The following FYB1 variants were observed in gnomAD, a reference collection of about 807,000 sequenced individuals.
FYB1 encodes FYN binding protein 1, also known as FYN-binding protein 1.
A neutral mutation model predicts 94.1 loss-of-function variants in FYB1; 41 were observed. The ratio of observed to expected loss-of-function variants is 0.44; its 90% CI spans 0.34 to 0.57. The LOEUF (loss-of-function observed/expected upper bound fraction) is 0.57. FYB1 is among the 20% of genes least tolerant of loss of function. The pLI is 0.02. For missense variants in FYB1, 1,050 were observed against 976.8 expected, an observed-to-expected ratio of 1.07 and a Z score of -1.00; for synonymous variants, 367 against 353.2, an observed-to-expected ratio of 1.04 and a Z score of -0.44.
chr5:39,130,120 C>A (rs1196987799), intron 10 of FYB1, among the ~76,000 whole-genome samples: 1 of 151,476 alleles, frequency 6.6e-6, no homozygotes, highest in Non-Finnish European at 1.5e-5. Flanking sequence ...ATGGATGAAA[C>A]TGGAAGTCAT....
chr5:39,205,476 A>T (rs1399630208), intron 1 of FYB1, among the ~76,000 whole-genome samples: 4 of 152,212 alleles, frequency 2.6e-5, no homozygotes, highest in Admixed American at 1.3e-4. Flanking sequence ...ATCAAGTGAA[A>T]TGTTAGTCAT....
At chr5:39,154,009 C>T (rs1158480745) in intron 2 of FYB1, among the ~76,000 whole-genome samples, 1 of 152,142 alleles carries the variant, frequency 6.6e-6, no homozygotes, top group Non-Finnish European at 1.5e-5. Context: ...TGGTTTTGAA[C>T]TCCTGGGCGC....
intron 14 of FYB1, among the ~76,000 whole-genome samples, chr5:39,121,182 G>GGAAAAA (rs1580315900): frequency 6.9e-5 from 1 of 14,532 alleles, no homozygotes; most frequent in Non-Finnish European, 1.4e-4. Flanking sequence ...GTAATGTAAA[G>GGAAAAA]CAAAAAAAAA....
At chr5:39,268,208 T>C (rs1194860387) in intron 1 of FYB1, among the ~76,000 whole-genome samples, 1 of 152,006 alleles carries the variant, frequency 6.6e-6, no homozygotes, top group Non-Finnish European at 1.5e-5. Flanking sequence ...ACGCTTAATG[T>C]TTCATTTCTG....
upstream of FYB1, among the ~76,000 whole-genome samples, chr5:39,221,491 A>G (rs1003100857): frequency 2.6e-5 from 4 of 152,234 alleles, no homozygotes; most frequent in Non-Finnish European, 5.9e-5. Flanking sequence ...ACCATGACAC[A>G]CTGTGATGAG....
At chr5:39,181,216 A>T (rs555654964) in intron 2 of FYB1, among the ~76,000 whole-genome samples, 1 of 152,198 alleles carries the variant, frequency 6.6e-6, no homozygotes, top group Non-Finnish European at 1.5e-5. Flanking sequence ...GCAGCAGATC[A>T]TTATATCAGT....
chr5:39,119,693 C>T (rs1304951814), intron 14 of FYB1, 59 bp from the exon 15 acceptor site: 5 of 1,387,198 alleles, frequency 3.6e-6, no homozygotes, highest in Non-Finnish European at 4.7e-6. Context: ...AAAGAATAGT[C>T]CATAACAGAG....
chr5:39,209,595 C>T (rs1180634123), intron 1 of FYB1, among the ~76,000 whole-genome samples: 2 of 152,206 alleles, frequency 1.3e-5, no homozygotes, highest in Non-Finnish European at 2.9e-5. Flanking sequence ...TCCCAAAGTG[C>T]TGGGATTACA....
intron 2 of FYB1, among the ~76,000 whole-genome samples, chr5:39,187,151 A>G (rs976644404): frequency 4.6e-5 from 7 of 152,156 alleles, no homozygotes; most frequent in Non-Finnish European, 1.0e-4. Context: ...TATCAACTTC[A>G]AAGCAAGCTT....
At chr5:39,209,022 A>C (rs1749111213) in intron 1 of FYB1, 1 of 147,282 alleles carries the variant, frequency 6.8e-6, no homozygotes, top group African/African-American at 2.4e-5. Flanking sequence ...ATCCCTTCTC[A>C]TCACACACAA....
At position 39,134,344 on chromosome 5, in the gene FYB1, A is replaced by T. The variant is rs753898907; in HGVS notation, c.1681T>A (p.Tyr561Asn). The stretch of plus-strand genomic sequence containing the variant: ...ATCTCTACAGCAGTTGTTTTAATAT[A>T]GCCATCTACCAAAAAGGGAAATATT... ...LGRTARGSYG[Y>N]IKTTAVEIDY... The change falls in exon 9 of 19, where the codon TAT becomes AAT. Residue 561 changes from tyrosine (Y) to asparagine (N), a missense_variant. By Grantham distance (143) the Tyr-to-Asn change is moderately radical (BLOSUM62 -2). Transcript: ENST00000512982. 1 of 1,599,152 alleles carries T rather than the reference A, an allele frequency of 6.3e-7. No individual in the cohort carries two copies. Among genetic ancestry groups the T allele is most frequent in the Non-Finnish European group, 8.5e-7 (1 of 1,170,086 alleles).
chr5:39,162,382 C>G (rs1304820701), intron 2 of FYB1, among the ~76,000 whole-genome samples: 1 of 152,114 alleles, frequency 6.6e-6, no homozygotes, highest in African/African-American at 2.4e-5. Flanking sequence ...GTCAAAAGAA[C>G]TGAGCATTAA....
At chr5:39,149,393 C>T (rs1167433439) in intron 3 of FYB1, among the ~76,000 whole-genome samples, 3 of 152,134 alleles carry the variant, frequency 2.0e-5, no homozygotes, top group Admixed American at 1.3e-4. Context: ...GCCATTGCTC[C>T]CTGCTGCTCT....
intron 2 of FYB1, among the ~76,000 whole-genome samples, chr5:39,185,811 G>T (rs368285274): frequency 1.3e-5 from 2 of 152,002 alleles, no homozygotes; most frequent in Non-Finnish European, 2.9e-5. Context: ...ACTCCGTGAG[G>T]GTTCCGCACT....
intron 1 of FYB1, chr5:39,269,810 C>A (rs1752596669): frequency 6.6e-6 from 1 of 152,216 alleles, no homozygotes; most frequent in Admixed American, 6.5e-5. Context: ...AGTTTCCAGT[C>A]TTCTGGGGGC....
intron 1 of FYB1, among the ~76,000 whole-genome samples, chr5:39,211,322 C>CT (rs70982549): frequency 8.4e-6 from 1 of 118,518 alleles, no homozygotes; most frequent in African/African-American, 3.0e-5. Context: ...CTTTTCTTTT[C>CT]TTTTTTTTTT....
chr5:39,127,918 CT>C (rs367785747), intron 10 of FYB1, 111 bp from the exon 11 acceptor site: 1 of 983,992 alleles, frequency 1.0e-6, no homozygotes. Context: ...GAGCATTTCA[CT>C]TTCATGTAAA....
upstream of FYB1, among the ~76,000 whole-genome samples, chr5:39,221,456 T>C (rs764706424): frequency 1.1e-4 from 17 of 152,210 alleles, no homozygotes; most frequent in Non-Finnish European, 2.1e-4. Context: ...TTATAACCAC[T>C]ATAGAGATAG....
rs746885510 is a variant in FYB1, at chr5:39,110,362, G to T, written c.2429C>A (p.Ala810Glu). The T allele has an allele frequency of 6.3e-6, 10 of 1,593,154 alleles. No individual in the cohort carries two copies. The highest frequency in any genetic ancestry group is 1.1e-5 in the South Asian group (1 of 87,622). ...KYGYVLRSYL[A>E]DNDGEIYDDI... Reference sequence around the variant, plus strand: ...TAGAAGAAAATGGGCTTACTTGTCCGCTAGGTAACTCCGAAGGACATAACC... The same window carrying T: ...TAGAAGAAAATGGGCTTACTTGTCCTCTAGGTAACTCCGAAGGACATAACC... Residue 810 changes from alanine (A) to glutamate (E), a missense_variant, in exon 17 of 19, where the codon GCG (alanine) becomes GAG (glutamate). By Grantham distance (107) the Ala-to-Glu change is moderately radical. Coordinates refer to ENST00000512982, the MANE Select transcript of FYB1 (RefSeq NM_001465.6).
Sources: allele counts gnomAD v4.1 joint callset (sites outside exome capture counted in the v4.1 genomes callset), GRCh38; gene constraint gnomAD v4.1.1; transcripts MANE v1.5; gene names NCBI Gene and HGNC (gene_info 2026-07-23, HGNC 2026-07-21).